The following ENGASE variants were observed in gnomAD, a reference collection of about 807,000 sequenced individuals.
ENGASE encodes cytosolic endo-beta-N-acetylglucosaminidase.
A neutral mutation model predicts 78.5 loss-of-function variants in ENGASE; 69 were observed. The ratio of observed to expected loss-of-function variants is 0.88; its 90% CI spans 0.72 to 1.07. The LOEUF is 1.07. Among genes scored for constraint, ENGASE ranks in the 50% least tolerant of loss-of-function variants. The pLI is 0.00. For missense variants in ENGASE, 943 were observed against 988.4 expected (o/e 0.95, Z 0.62); for synonymous variants, 408 against 408.9 (o/e 1.00, Z 0.03).
rs2073212218 is a variant in ENGASE, at chr17:79,083,734, G to A, written c.1252-27G>A. The A allele has an allele frequency of 6.3e-7, 1 of 1,596,150 alleles. No homozygotes were observed. Among genetic ancestry groups the A allele is most frequent in the African/African-American group, 1.3e-5 (1 of 74,336 alleles). ...CCCCTGCTCTGTTGGCCTCTGCTGA[G>A]TGCCCCTGTTCTGCCCTTTTCTTCA... On this transcript the variant is annotated intron_variant, in intron 9 of 13. Coordinates refer to ENST00000579016, the MANE Select transcript of ENGASE (RefSeq NM_001042573.3). This position sits in a 1 kb window ranked among gnomAD's most constrained non-coding sequence, Gnocchi z 4.9.
rs368992120 is a variant in ENGASE at position 79,080,214 on chromosome 17, C to G, written c.573C>G (p.Phe191Leu). The G allele has an allele frequency of 6.3e-7, 1 of 1,598,842 alleles. No homozygotes were observed. Among genetic ancestry groups the G allele is most frequent in the African/African-American group, 1.3e-5 (1 of 74,204 alleles). The change falls in exon 5 of 14, where the codon TTC becomes TTG. Residue 191 changes from phenylalanine to leucine, a missense_variant. Transcript: ENST00000579016. ...HRHGVCVLGT[F>L]ITEWNEGGRL... The stretch of plus-strand genomic sequence containing the variant: ...TCTCTCCTATCCTCACAGGGACTTT[C>G]ATCACGGAGTGGAATGAAGGGGGAA...
In ENGASE at chr17:79,083,494, A is replaced by G. The variant is rs61756761; in HGVS notation, c.1155A>G (p.Arg385=). 0.069 allele frequency: 111,872 copies of G among 1,613,444 alleles called. 6,301 individuals are homozygous for G. Among genetic ancestry groups the G allele is most frequent in the African/African-American group, 0.3 (22,615 of 74,916 alleles). ...FFQNQDKFWG[R]LERYLPTHSI... ...ATGTCTCTGGCAGGTTCTGGGGCCG[A>G]CTGGAGCGTTATCTGCCCACACATA... Residue 385 remains arginine, a synonymous_variant, in exon 9 of 14, where the codon CGA becomes CGG. Transcript: ENST00000579016. The surrounding 1 kb of genome is among the most constrained non-coding windows in gnomAD (Gnocchi z 4.9).
At position 79,084,604 on chromosome 17, in the gene ENGASE, G is replaced by T. The variant is rs769825611; in HGVS notation, c.1509G>T (p.Gly503=). 2 of 1,611,538 alleles carry T rather than the reference G, an allele frequency of 1.2e-6. No homozygotes were observed. The highest frequency in any genetic ancestry group is 1.7e-6 in the Non-Finnish European group (2 of 1,179,180). ...TGTCCATGGTGTATAAGCTTGAGGGGCCCACGGACGTCACAGTTGCTTTGG... is the reference window on the plus strand; with the variant it reads ...TGTCCATGGTGTATAAGCTTGAGGGTCCCACGGACGTCACAGTTGCTTTGG... ...IYLSMVYKLE[G]PTDVTVALEL... Residue 503 remains glycine, a synonymous_variant, in exon 11 of 14, where the codon GGG becomes GGT. Coordinates refer to ENST00000579016, the MANE Select transcript of ENGASE (RefSeq NM_001042573.3).
At chr17:79,081,481 G>A (rs1161661714) in intron 6 of ENGASE, among the ~76,000 whole-genome samples, 2 of 152,082 alleles carry the variant, frequency 1.3e-5, no homozygotes, top group Non-Finnish European at 2.9e-5. Context: ...CAGCCTGAGC[G>A]ACAGAGCGAG....
chr17:79,084,728 G>T, intron 11 of ENGASE, 42 bp downstream of exon 11: 2 of 1,599,198 alleles, frequency 1.3e-6, no homozygotes, highest in Non-Finnish European at 1.7e-6. Flanking sequence ...CCAGGGCGGA[G>T]AGCTCAGGGA....
In ENGASE at chr17:79,079,541, T is replaced by C. The variant is rs950420733; in HGVS notation, c.469T>C (p.Cys157Arg). 2 of 1,614,108 alleles carry C rather than the reference T, an allele frequency of 1.2e-6. No homozygotes were observed. The highest frequency in any genetic ancestry group is 1.7e-6 in the Non-Finnish European group (2 of 1,180,020). ...TCCCTATGCTTTCTACCACTGGCAG[T>C]GCATCGACGTCTTTGTGTACTTCAG... Reference protein sequence around the residue: ...QTPYAFYHWQCIDVFVYFSHH... With the variant: ...QTPYAFYHWQRIDVFVYFSHH... The change falls in exon 4 of 14, where the codon TGC becomes CGC. Residue 157 changes from cysteine to arginine, a missense_variant. Transcript: ENST00000579016.
chr17:79,086,850 G>C lies in ENGASE; in HGVS notation c.*501G>C, dbSNP rs2073328153. On this transcript the variant is annotated 3_prime_UTR_variant, in exon 14 of 14. Transcript: ENST00000579016. ...GCTCCTGGGGTGGGGCTGCCTGCGG[G>C]ATGGCGGGAGAGGATGCCCTGGAGA... 6.9e-6 allele frequency: 3 copies of C among 436,966 alleles called. No homozygotes were observed. The highest frequency in any genetic ancestry group is 2.4e-5 in the Admixed American group (1 of 40,878). The allele number at this position is 436,966 out of a possible 1,614,324, so 27.1% of individuals were successfully genotyped here.
intron 7 of ENGASE, chr17:79,082,374 C>A: frequency 7.8e-7 from 1 of 1,281,018 alleles, no homozygotes; most frequent in East Asian, 4.2e-5. Flanking sequence ...AGCTGCGTTC[C>A]TTGATCTTCC....
chr17:79,085,454 T>C, intron 12 of ENGASE, 112 bp downstream of exon 12: 1 of 1,341,530 alleles, frequency 7.5e-7, no homozygotes, highest in Non-Finnish European at 1.0e-6. Context: ...TTTGGGCAGC[T>C]CTGAGACAGA....
At chr17:79,077,926 GGAGGGGC>G in intron 3 of ENGASE, 62 bp downstream of exon 3, 7 of 1,333,394 alleles carry the variant, frequency 5.2e-6, no homozygotes, top group South Asian at 1.3e-5. Context: ...GGTGGGGGCT[GGAGGGGC>G]GGGAGAGAGT....
chr17:79,082,674 A>G (rs1303162657), intron 7 of ENGASE: 1 of 1,318,158 alleles, frequency 7.6e-7, no homozygotes, highest in Non-Finnish European at 9.9e-7. Flanking sequence ...GAGTAAATTA[A>G]TCCAATAACT....
At position 79,088,397 on chromosome 17, in the gene ENGASE, T is replaced by C. The variant is rs2073395793; in HGVS notation, c.*2048T>C. The C allele has an allele frequency of 6.6e-6, 1 of 152,182 alleles. No individual in the cohort carries two copies. Among genetic ancestry groups the C allele is most frequent in the Non-Finnish European group, 1.5e-5 (1 of 68,026 alleles). The allele number at this position is 152,182 out of a possible 1,614,324, so 9.4% of individuals were successfully genotyped here. A position where few individuals can be genotyped will look rare whatever the true frequency, so the allele number is the denominator to read the frequency against. On this transcript the variant is annotated 3_prime_UTR_variant, in exon 14 of 14. Transcript: ENST00000579016. Reference sequence around the variant, plus strand: ...AGGGAAAATTTATAGTGGCAATTATTTTCTCACAGTCTGGTGAGCAGGCAA... The same window carrying C: ...AGGGAAAATTTATAGTGGCAATTATCTTCTCACAGTCTGGTGAGCAGGCAA...
rs371931776 is a variant in ENGASE at position 79,085,686 on chromosome 17, G to A, written c.1767G>A (p.Pro589=). The change falls in exon 13 of 14, where the codon CCG becomes CCA. Residue 589 remains proline, a synonymous_variant. Transcript: ENST00000579016. The stretch of plus-strand genomic sequence containing the variant: ...TCCTCGTTTGCTTCTCACGGCCGCC[G>A]GGTAGTCGGGAGGAGGAGAGCTTCA... ...LDLLVCFSRP[P]GSREEESFTC... 118 of 1,613,954 alleles carry A rather than the reference G, an allele frequency of 7.3e-5. 1 individual carries two copies. In the African/African-American group the frequency reaches 1.1e-3, roughly 15 times the overall value.
chr17:79,079,122 G>A lies in ENGASE; in HGVS notation c.417-367G>A, dbSNP rs531322267. On this transcript the variant is annotated intron_variant, in intron 3 of 13. Transcript: ENST00000579016. ...GAGAAACCTTTGGGGACACCCTGCG[G>A]TCTCCGTGTCCTTATTCTGCTTCCT... Among the ~76,000 whole-genome samples, 4 of 152,290 alleles carry A rather than the reference G, an allele frequency of 2.6e-5. No individual in the cohort carries two copies. In the South Asian group the frequency reaches 6.2e-4, roughly 24 times the overall value.
intron 11 of ENGASE, 77 bp downstream of exon 11, chr17:79,084,763 GGT>G: frequency 6.6e-7 from 1 of 1,505,024 alleles, no homozygotes; most frequent in Non-Finnish European, 9.1e-7. Flanking sequence ...AGGCTCCTGG[GGT>G]GTGGGGAGGA....
chr17:79,078,824 G>T (rs1227708806), intron 3 of ENGASE, among the ~76,000 whole-genome samples: 1 of 152,198 alleles, frequency 6.6e-6, no homozygotes, highest in Admixed American at 6.5e-5. Context: ...ACTCTGTTCT[G>T]AGGGACTGCC....
Position 79,075,601 on chromosome 17 carries a change from A to G in ENGASE, c.146+511A>G, listed in dbSNP as rs922520851. On this transcript the variant is annotated intron_variant, in intron 1 of 13. Coordinates refer to ENST00000579016, the MANE Select transcript of ENGASE (RefSeq NM_001042573.3). ...ACAGAAAGGGCCAAAGCACAGAGAC[A>G]GAAAGGGACGAACATGCCCCTCTGG... 5.4e-6 allele frequency: 4 copies of G among 743,170 alleles called. No individual in the cohort carries two copies. The Admixed American group carries it at 1.9e-4, about 35-fold the overall frequency. The allele number at this position is 743,170 out of a possible 1,614,324, so 46.0% of individuals were successfully genotyped here.
intron 3 of ENGASE, among the ~76,000 whole-genome samples, chr17:79,078,988 C>T (rs2073040941): frequency 1.3e-5 from 2 of 152,232 alleles, no homozygotes; most frequent in South Asian, 4.1e-4. Context: ...CCGGTCAGAG[C>T]ACTCTGCCTG....
Position 79,083,811 on chromosome 17 carries a change from C to T in ENGASE, c.1302C>T (p.Pro434=). 1 of 1,612,268 alleles carries T rather than the reference C, an allele frequency of 6.2e-7. No individual in the cohort carries two copies. Among genetic ancestry groups the T allele is most frequent in the Non-Finnish European group, 8.5e-7 (1 of 1,179,446 alleles). The change falls in exon 10 of 14, where the codon CCC becomes CCT. Residue 434 remains proline, a synonymous_variant. Coordinates refer to ENST00000579016, the MANE Select transcript of ENGASE (RefSeq NM_001042573.3). The surrounding 1 kb of genome is among the most constrained non-coding windows in gnomAD (Gnocchi z 4.9). ...WYHLSAQEIQ[P]LFGEHRLGGD... is the part of the protein sequence containing the mutation. ...ACCTGAGCGCCCAGGAGATCCAGCC[C>T]TTGTTTGGAGAACACAGGCTGGGAG...
Sources: gnomAD v4.1 joint callset for allele counts (sites outside exome capture counted in the v4.1 genomes callset) on GRCh38, gnomAD v4.1.1 for gene constraint, Gnocchi (gnomAD v3.1) non-coding constraint, MANE v1.5 for transcripts, NCBI Gene and HGNC (gene_info 2026-07-23, HGNC 2026-07-21) for gene names.